CDH4: variants seen among roughly 807,000 people sequenced by gnomAD.
CDH4 encodes cadherin-4.
CDH4 carries 33 observed loss-of-function variants against 86.0 expected under a neutral mutation model. The observed-to-expected ratio is 0.38, with a 90% CI of 0.29 to 0.51. CDH4 has a LOEUF of 0.51. CDH4 is among the 20% of genes least tolerant of loss of function. The pLI is 0.86. For missense variants in CDH4, 1,114 were observed against 1,307.4 expected, an observed-to-expected ratio of 0.85 and a Z score of 2.28; for synonymous variants, 555 against 549.4, an observed-to-expected ratio of 1.01 and a Z score of -0.14.
chr20:61,350,713 G>GC (rs145818012), intron 2 of CDH4, among the ~76,000 whole-genome samples: 1,555 of 151,414 alleles, frequency 0.01, 11 homozygotes, highest in Admixed American at 0.015. Flanking sequence ...TCAGGCAGAG[G>GC]CCCCCCCCCA....
intron 2 of CDH4, among the ~76,000 whole-genome samples, chr20:61,609,505 A>G (rs1052709014): frequency 2.6e-5 from 4 of 152,192 alleles, no homozygotes; most frequent in Non-Finnish European, 1.5e-5. Flanking sequence ...AAGTTGAAAC[A>G]AATTCCAAAA....
intron 2 of CDH4, among the ~76,000 whole-genome samples, chr20:61,639,434 G>A (rs2086982045): frequency 6.6e-6 from 1 of 152,220 alleles, no homozygotes; most frequent in African/African-American, 2.4e-5. Context: ...GTGTAAGATG[G>A]CTGCTCTGTC....
intron 2 of CDH4, among the ~76,000 whole-genome samples, chr20:61,286,815 C>T (rs2084295691): frequency 5.9e-5 from 9 of 152,222 alleles, no homozygotes; most frequent in Admixed American, 5.2e-4. Flanking sequence ...CAGACATCCT[C>T]TGGGACTTTG....
rs529735550 is a variant in CDH4 at position 61,663,687 on chromosome 20, G to A, written c.170-79876G>A. Among the ~76,000 whole-genome samples the A allele has an allele frequency of 7.5e-4, 114 of 152,204 alleles. No homozygotes were observed. Among genetic ancestry groups the A allele is most frequent in the African/African-American group, 2.6e-3 (106 of 41,520 alleles). On this transcript the variant is annotated intron_variant, in intron 2 of 15. Coordinates refer to ENST00000614565, the MANE Select transcript of CDH4 (RefSeq NM_001794.5). The surrounding 1 kb of genome is among the most constrained non-coding windows in gnomAD (Gnocchi z 5.0). ...GGAGAGCAGGGAGTGCTGTCTTCCC[G>A]GCGGGAGCTGGCGGTACTGAGGAAG...
intron 6 of CDH4, 130 bp from the exon 7 acceptor site, chr20:61,873,598 G>T: frequency 1.1e-6 from 1 of 925,846 alleles, no homozygotes; most frequent in Non-Finnish European, 1.6e-6. Context: ...TGAACACGCC[G>T]AGAGGAAGGG....
intron 2 of CDH4, among the ~76,000 whole-genome samples, chr20:61,485,730 A>G (rs2085592782): frequency 6.6e-6 from 1 of 152,208 alleles, no homozygotes. Flanking sequence ...GCCAGGTACC[A>G]CTGCCCATCT....
intron 2 of CDH4, among the ~76,000 whole-genome samples, chr20:61,672,052 AATAG>A (rs556336580): frequency 1.3e-3 from 153 of 120,158 alleles, no homozygotes; most frequent in African/African-American, 4.2e-3. Context: ...TAGATAGATA[AATAG>A]ATGGATGGAT....
chr20:61,898,471 C>T (rs951812789), intron 8 of CDH4, among the ~76,000 whole-genome samples: 5 of 152,210 alleles, frequency 3.3e-5, no homozygotes, highest in African/African-American at 1.2e-4. Flanking sequence ...AGCTTCAGAC[C>T]CTGCCCCAAA....
At chr20:61,714,021 T>TTTTTA (rs373689820) in intron 2 of CDH4, among the ~76,000 whole-genome samples, 4,798 of 136,006 alleles carry the variant, frequency 0.035, 170 homozygotes, top group Non-Finnish European at 0.049. Context: ...GTCTATTCTT[T>TTTTTA]TTTTATTTTA....
In CDH4 at chr20:61,269,259, T is replaced by G. The variant is rs1336582729; in HGVS notation, c.169+14322T>G. ...AGGACAGTTTGGCACTGCCACTACC[T>G]TAGTGGCCCTGGAGGAGCCAGGATT... On this transcript the variant is annotated intron_variant, in intron 2 of 15. Transcript: ENST00000614565. The surrounding 1 kb of genome is among the most constrained non-coding windows in gnomAD (Gnocchi z 5.3). Among the ~76,000 whole-genome samples the G allele has an allele frequency of 2.6e-5, 4 of 152,144 alleles. No homozygotes were observed. The highest frequency in any genetic ancestry group is 4.4e-5 in the Non-Finnish European group (3 of 68,004).
At chr20:61,404,826 G>C (rs2085071706) in intron 2 of CDH4, among the ~76,000 whole-genome samples, 1 of 151,964 alleles carries the variant, frequency 6.6e-6, no homozygotes, top group Non-Finnish European at 1.5e-5. Context: ...TGAGGCAGGT[G>C]AATCATAAGG....
rs535503601 is a variant in CDH4 at position 61,925,469 on chromosome 20, G to A, written c.1771+993G>A. 9.5e-4 allele frequency among the ~76,000 whole-genome samples: 144 copies of A among 152,316 alleles called. 1 individual carries two copies. Among genetic ancestry groups the A allele is most frequent in the African/African-American group, 3.2e-3 (132 of 41,570 alleles). On this transcript the variant is annotated intron_variant, in intron 11 of 15. Coordinates refer to ENST00000614565, the MANE Select transcript of CDH4 (RefSeq NM_001794.5). ...GAGAATCAAACGAGTCGGAGTCACCGGAACACTGAGGAAGGGCCTGGCTCA... is the reference window on the plus strand; with the variant it reads ...GAGAATCAAACGAGTCGGAGTCACCAGAACACTGAGGAAGGGCCTGGCTCA...
At chr20:61,422,459 AAAAAAAAAC>A (rs2085185031) in intron 2 of CDH4, among the ~76,000 whole-genome samples, 2 of 54,850 alleles carry the variant, frequency 3.6e-5, no homozygotes, top group African/African-American at 1.7e-4. Flanking sequence ...AAAAAAAAAA[AAAAAAAAAC>A]CAAATCTCCC....
chr20:61,662,335 C>T (rs2087266967), intron 2 of CDH4, among the ~76,000 whole-genome samples: 1 of 152,238 alleles, frequency 6.6e-6, no homozygotes, highest in Non-Finnish European at 1.5e-5. Flanking sequence ...CCTGGAGCCG[C>T]ACAGCGCAAC....
chr20:61,485,910 A>T (rs2085593727), intron 2 of CDH4, among the ~76,000 whole-genome samples: 1 of 151,998 alleles, frequency 6.6e-6, no homozygotes, highest in Non-Finnish European at 1.5e-5. Flanking sequence ...GGTTGGAGAG[A>T]CTCCCAACAC....
At chr20:61,474,306 G>A (rs867788769) in intron 2 of CDH4, among the ~76,000 whole-genome samples, 4 of 149,356 alleles carry the variant, frequency 2.7e-5, no homozygotes, top group Non-Finnish European at 5.9e-5. Flanking sequence ...GATTACAGGC[G>A]TGCACCACCA....
At chr20:61,671,995 G>A (rs1353288549) in intron 2 of CDH4, among the ~76,000 whole-genome samples, 1 of 116,322 alleles carries the variant, frequency 8.6e-6, no homozygotes, top group Admixed American at 1.0e-4. Context: ...ATGAATAGAT[G>A]GGTGGTTGGA....
At chr20:61,585,921 A>ATGATGG (rs1206247332) in intron 2 of CDH4, among the ~76,000 whole-genome samples, 3 of 148,248 alleles carry the variant, frequency 2.0e-5, no homozygotes, top group East Asian at 2.0e-4. Context: ...GATGCGGAGG[A>ATGATGG]TGATGGTGAT....
Position 61,743,608 on chromosome 20 carries a change from C to T in CDH4, c.215C>T (p.Thr72Ile). Residue 72 changes from threonine to isoleucine, a missense_variant, in exon 3 of 16, where the codon ACC becomes ATC. By Grantham distance (89) the Thr-to-Ile change is moderately conservative (BLOSUM62 -1). Around this residue, in one of 3 missense-constraint regions of CDH4, gnomAD observed 221 missense variants for 209.5 expected, o/e 1.05. Coordinates refer to ENST00000614565, the MANE Select transcript of CDH4 (RefSeq NM_001794.5). ...CVGTKGTQYE[T>I]NSMDFKVGAD... is the part of the protein sequence containing the mutation. ...GGGACCAAGGGGACACAATATGAGA[C>T]CAACAGCATGGACTTCAAAGTTGGG... 1 of 1,582,450 alleles carries T rather than the reference C, an allele frequency of 6.3e-7. No individual in the cohort carries two copies. Among genetic ancestry groups the T allele is most frequent in the Non-Finnish European group, 8.6e-7 (1 of 1,163,208 alleles).
Sources: gnomAD v4.1 joint callset for allele counts (sites outside exome capture counted in the v4.1 genomes callset) on GRCh38, gnomAD v4.1.1 for gene constraint, gnomAD v4.1.1 regional missense constraint, Gnocchi (gnomAD v3.1) non-coding constraint, MANE v1.5 for transcripts, NCBI Gene and HGNC (gene_info 2026-07-23, HGNC 2026-07-21) for gene names.